The following NOTCH1 variants were observed in gnomAD, a reference collection of about 807,000 sequenced individuals.
NOTCH1 encodes the protein notch receptor 1, also known as neurogenic locus notch homolog protein 1.
NOTCH1 carries 37 observed loss-of-function variants against 254.8 expected under a neutral mutation model. The ratio of observed to expected loss-of-function variants is 0.15; its 90% CI spans 0.11 to 0.19. NOTCH1 has a LOEUF of 0.19. Ranked by LOEUF, NOTCH1 falls within the 10% of genes least tolerant of loss-of-function variation. The pLI, the probability that NOTCH1 is intolerant of heterozygous loss-of-function variation, is 1.00. For missense variants in NOTCH1, 2,972 were observed against 3,708.6 expected, an observed-to-expected ratio of 0.80 and a Z score of 5.16; for synonymous variants, 1,731 against 1,618.1, an observed-to-expected ratio of 1.07 and a Z score of -1.68.
At chr9:136,519,965 G>T (rs1843340835) in intron 4 of NOTCH1, among the ~76,000 whole-genome samples, 1 of 152,176 alleles carries the variant, frequency 6.6e-6, no homozygotes, top group South Asian at 2.1e-4. Context: ...AGCAGCAGGG[G>T]GACATGGGGC....
At chr9:136,502,667 C>T (rs573440890) in intron 27 of NOTCH1, 179 bp from the exon 28 acceptor site, 7 of 575,460 alleles carry the variant, frequency 1.2e-5, no homozygotes, top group South Asian at 4.3e-5. Flanking sequence ...TGCAAACTAT[C>T]GCTAAATTCT....
At chr9:136,520,089 C>T (rs1214810953) in intron 4 of NOTCH1, among the ~76,000 whole-genome samples, 1 of 152,158 alleles carries the variant, frequency 6.6e-6, no homozygotes, top group Admixed American at 6.5e-5. Flanking sequence ...TCCTCCTCCC[C>T]CTCCTCCTCC....
intron 2 of NOTCH1, among the ~76,000 whole-genome samples, chr9:136,536,882 C>T (rs746292029): frequency 1.2e-4 from 19 of 152,268 alleles, no homozygotes; most frequent in Non-Finnish European, 2.4e-4. Flanking sequence ...TCAATAAAGA[C>T]CCTCTACTTT....
rs1320332508 is a variant in NOTCH1, at chr9:136,505,692, T to C, written c.4204A>G (p.Thr1402Ala). ...GGGCTCTCGGATGTGGGCTCACAGG[T>C]CCCCTGGTTGTAGCAGGGGTTGCCG... is the stretch of plus-strand genomic sequence containing the variant. ...LGGNPCYNQG[T>A]CEPTSESPFY... Residue 1402 changes from threonine (T) to alanine (A), a missense_variant, in exon 25 of 34, where the codon ACC (threonine) becomes GCC (alanine). By Grantham distance (58) the Thr-to-Ala change is moderately conservative. Coordinates refer to ENST00000651671, the MANE Select transcript of NOTCH1 (RefSeq NM_017617.5). The C allele has an allele frequency of 1.2e-6, 2 of 1,608,780 alleles. No individual in the cohort carries two copies. Among genetic ancestry groups the C allele is most frequent in the Non-Finnish European group, 1.7e-6 (2 of 1,177,374 alleles).
At chr9:136,519,409 G>C (rs746461143) in intron 5 of NOTCH1, 34 bp downstream of exon 5, 2 of 1,611,226 alleles carry the variant, frequency 1.2e-6, no homozygotes, top group Admixed American at 3.3e-5. Flanking sequence ...GCCCCGCCCC[G>C]GCTACCCCGC....
chr9:136,534,274 G>A (rs1432545098), intron 2 of NOTCH1, among the ~76,000 whole-genome samples: 1 of 152,222 alleles, frequency 6.6e-6, no homozygotes, highest in African/African-American at 2.4e-5. Context: ...TCAGCAAATT[G>A]ACAGTGTCAA....
chr9:136,504,107 C>T (rs1034306514), intron 26 of NOTCH1, among the ~76,000 whole-genome samples: 8 of 152,228 alleles, frequency 5.3e-5, no homozygotes, highest in Non-Finnish European at 1.2e-4. Context: ...GCCAGGCAGA[C>T]GCCATGACCA....
At chr9:136,498,757 GGGT>G in intron 33 of NOTCH1, 139 bp downstream of exon 33, 1 of 913,148 alleles carries the variant, frequency 1.1e-6, no homozygotes, top group East Asian at 2.4e-5. Flanking sequence ...CGCATCATGC[GGGT>G]GGGGCCCACA....
chr9:136,510,466 G>T, intron 17 of NOTCH1, 187 bp downstream of exon 17: 1 of 712,368 alleles, frequency 1.4e-6, no homozygotes, highest in Non-Finnish European at 2.4e-6. Flanking sequence ...GGAGCAAGCC[G>T]GCTCTGGGGC....
chr9:136,509,495 C>T (rs79985147), intron 18 of NOTCH1, among the ~76,000 whole-genome samples: 31 of 152,340 alleles, frequency 2.0e-4, no homozygotes, highest in African/African-American at 7.0e-4. Flanking sequence ...TAGAAGGAAG[C>T]GCACCAGTTC....
In NOTCH1 at chr9:136,518,279, G is replaced by A; in HGVS notation, c.1113C>T (p.His371=). The A allele has an allele frequency of 2.5e-6, 4 of 1,610,766 alleles. No individual in the cohort carries two copies. Among genetic ancestry groups the A allele is most frequent in the Non-Finnish European group, 3.4e-6 (4 of 1,179,262 alleles). The change falls in exon 7 of 34, where the codon CAC becomes CAT. Residue 371 remains histidine, a synonymous_variant. Coordinates refer to ENST00000651671, the MANE Select transcript of NOTCH1 (RefSeq NM_017617.5). The part of the protein sequence containing the change: ...CPHGRTGLLC[H]LNDACISNPC... ...GGTTGCTGATGCATGCGTCGTTGAG[G>A]TGGCACAGCAGACCTGGGCAGGCAG... is the stretch of plus-strand genomic sequence containing the variant.
chr9:136,522,130 A>G (rs1843377582), intron 4 of NOTCH1, among the ~76,000 whole-genome samples: 1 of 151,910 alleles, frequency 6.6e-6, no homozygotes, highest in Non-Finnish European at 1.5e-5. Context: ...GGCGCGTGCC[A>G]CCATGCCTGG....
chr9:136,494,569 AAC>A lies in NOTCH1; in HGVS notation c.*1500_*1501del. 5.0e-6 allele frequency: 2 copies of A among 399,012 alleles called. No homozygotes were observed. Among genetic ancestry groups the A allele is most frequent in the East Asian group, 3.5e-5 (1 of 28,216 alleles). The allele number at this position is 399,012 out of a possible 1,614,324, so 24.7% of individuals were successfully genotyped here. ...CTGTAAACTACACTCTATTTTATAA[AAC>A]ACAGTAAAAATCAACATCTTGGGAC... On this transcript the variant is annotated 3_prime_UTR_variant, in exon 34 of 34. Coordinates refer to ENST00000651671, the MANE Select transcript of NOTCH1 (RefSeq NM_017617.5).
chr9:136,539,928 C>T (rs572758107), intron 2 of NOTCH1, among the ~76,000 whole-genome samples: 11 of 152,176 alleles, frequency 7.2e-5, no homozygotes, highest in African/African-American at 1.4e-4. Context: ...GGGGAAGCCA[C>T]GCCCCCAGTC....
Position 136,545,051 on chromosome 9 carries a change from C to T in NOTCH1, c.61+675G>A, listed in dbSNP as rs1843793121. On this transcript the variant is annotated intron_variant, in intron 1 of 33. Transcript: ENST00000651671. The surrounding 1 kb of genome is among the most constrained non-coding windows in gnomAD (Gnocchi z 6.8). ...CGGCGGGGAGAAATGTAAGAGCCCC[C>T]CACCCGCGTCCCGCTCTCCGCCCCC... 6.6e-6 allele frequency among the ~76,000 whole-genome samples: 1 copy of T among 152,166 alleles called. No individual in the cohort carries two copies. Among genetic ancestry groups the T allele is most frequent in the Non-Finnish European group, 1.5e-5 (1 of 68,012 alleles).
At chr9:136,533,554 C>G (rs912150197) in intron 2 of NOTCH1, among the ~76,000 whole-genome samples, 1 of 152,304 alleles carries the variant, frequency 6.6e-6, no homozygotes, top group East Asian at 1.9e-4. Context: ...TGTGCCCACT[C>G]GACGGCCCGG....
rs76832366 is a variant in NOTCH1 at position 136,499,815 on chromosome 9, G to A, written c.5935-556C>T. The stretch of plus-strand genomic sequence containing the variant: ...GAACTTCCACATCTGTGCAAAGAAG[G>A]CAGCTGAGAGAGGCACACACCAAAC... On this transcript the variant is annotated intron_variant, in intron 31 of 33. Transcript: ENST00000651671. 4.7e-3 allele frequency among the ~76,000 whole-genome samples: 709 copies of A among 152,360 alleles called. 5 individuals are homozygous for A. Among genetic ancestry groups the A allele is most frequent in the African/African-American group, 0.016 (648 of 41,584 alleles).
rs1399392600 is a variant in NOTCH1, at chr9:136,523,786, G to A, written c.334C>T (p.Arg112Cys). ...AGCAGGTCGCAGGTGCCCCCGTTGC[G>A]GCAGGGGTTGGTGAGGCAGGCATTG... Reference protein sequence around the residue: ...LDNACLTNPCRNGGTCDLLTL... With the variant: ...LDNACLTNPCCNGGTCDLLTL... Residue 112 changes from arginine to cysteine, a missense_variant, in exon 3 of 34, where the codon CGC becomes TGC. Physicochemically the swap from Arg to Cys is radical, Grantham distance 180. Transcript: ENST00000651671. The A allele has an allele frequency of 8.1e-6, 13 of 1,611,492 alleles. No homozygotes were observed. In the Admixed American group the frequency reaches 8.3e-5, roughly 10 times the overall value.
chr9:136,511,030 G>A, intron 16 of NOTCH1, 122 bp downstream of exon 16: 1 of 1,484,682 alleles, frequency 6.7e-7, no homozygotes, highest in Non-Finnish European at 9.3e-7. Flanking sequence ...CTCCGACCAG[G>A]GCCTCCTCAG....
Sources: gnomAD v4.1 joint callset for allele counts (sites outside exome capture counted in the v4.1 genomes callset) on GRCh38, gnomAD v4.1.1 for gene constraint, Gnocchi (gnomAD v3.1) non-coding constraint, MANE v1.5 for transcripts, NCBI Gene and HGNC (gene_info 2026-07-23, HGNC 2026-07-21) for gene names.